Variants in TBL1X observed in about 807,000 individuals in gnomAD.
TBL1X encodes the protein F-box-like/WD repeat-containing protein TBL1X.
In TBL1X, 10 loss-of-function variants were observed where a neutral mutation model predicts 50.7. That is an observed-to-expected ratio of 0.20 (90% CI 0.12 to 0.33). The LOEUF (loss-of-function observed/expected upper bound fraction) is 0.33, where lower values mean the gene tolerates loss of function less well. Among genes scored for constraint, TBL1X ranks in the 10% least tolerant of loss-of-function variants. The probability of loss-of-function intolerance (pLI) is 1.00; values close to 1 mark genes in which losing one functional copy is unlikely to be tolerated. For synonymous variants in TBL1X, 190 were observed against 214.7 expected (o/e 0.88, Z 1.01); for missense variants, 340 against 504.4 (o/e 0.67, Z 3.12).
At chrX:9,673,651 A>G (rs904297214) in intron 5 of TBL1X, among the ~76,000 whole-genome samples, 2 of 112,525 alleles carry the variant, frequency 1.8e-5, no homozygotes, top group African/African-American at 6.5e-5. Flanking sequence ...ATATCTACCT[A>G]TAGATGCATA....
intron 1 of TBL1X, among the ~76,000 whole-genome samples, chrX:9,480,484 G>C (rs1435692681): frequency 8.9e-6 from 1 of 112,061 alleles, no homozygotes; most frequent in Non-Finnish European, 1.9e-5. Flanking sequence ...GGATTATTTA[G>C]TTTTTCTGTA....
chrX:9,503,209 G>C (rs1328485079), intron 2 of TBL1X, among the ~76,000 whole-genome samples: 2 of 111,662 alleles, frequency 1.8e-5, no homozygotes, highest in African/African-American at 6.5e-5. Context: ...GAGTCACATG[G>C]GAAAGGGAAC....
At chrX:9,467,197 T>C (rs1268441860) in intron 1 of TBL1X, among the ~76,000 whole-genome samples, 1 of 112,272 alleles carries the variant, frequency 8.9e-6, no homozygotes, top group Non-Finnish European at 1.9e-5. Flanking sequence ...TTTTCACCTT[T>C]TAAGGTGACG....
chrX:9,555,320 C>A (rs1341487325), intron 2 of TBL1X, among the ~76,000 whole-genome samples: 1 of 111,484 alleles, frequency 9.0e-6, no homozygotes, highest in Non-Finnish European at 1.9e-5. Context: ...CTCAAGCGAT[C>A]CTCCTGTTTC....
chrX:9,522,844 C>T (rs1480099468), intron 2 of TBL1X, among the ~76,000 whole-genome samples: 4 of 111,704 alleles, frequency 3.6e-5, no homozygotes, highest in African/African-American at 1.3e-4. Flanking sequence ...TCAGGCTCTC[C>T]ATCCCCAGCG....
Position 9,692,242 on chromosome X carries a change from A to G in TBL1X, c.879A>G (p.Ser293=). 8.4e-7 allele frequency: 1 copy of G among 1,186,049 alleles called. No homozygotes were observed. The highest frequency in any genetic ancestry group is 1.1e-6 in the Non-Finnish European group (1 of 885,635). ...TCCCGAGTAACAAAGACGTCACCTC[A>G]CTGGACTGGAATGTAAGCATCTTCC... ...HDVPSNKDVT[S]LDWNTNGTLL... The change falls in exon 9 of 18, where the codon TCA becomes TCG. Residue 293 remains serine, a synonymous_variant. Coordinates refer to ENST00000645353, the MANE Select transcript of TBL1X (RefSeq NM_005647.4).
intron 2 of TBL1X, among the ~76,000 whole-genome samples, chrX:9,631,347 C>T (rs1316913571): frequency 8.9e-6 from 1 of 111,776 alleles, no homozygotes; most frequent in African/African-American, 3.3e-5. Flanking sequence ...TCAGCCTTTT[C>T]GCTGGAGTGG....
chrX:9,664,374 G>T (rs1675034232), intron 5 of TBL1X, among the ~76,000 whole-genome samples: 1 of 112,119 alleles, frequency 8.9e-6, no homozygotes, highest in Non-Finnish European at 1.9e-5. Flanking sequence ...CCTAGGGCTG[G>T]GTGGGGGTAC....
intron 2 of TBL1X, among the ~76,000 whole-genome samples, chrX:9,505,118 G>T (rs1233552573): frequency 8.9e-6 from 1 of 112,111 alleles, no homozygotes; most frequent in Non-Finnish European, 1.9e-5. Flanking sequence ...CTTCTCAGCA[G>T]AAACTCTACA....
chrX:9,703,436 A>G (rs2083187594), intron 12 of TBL1X, among the ~76,000 whole-genome samples: 1 of 111,737 alleles, frequency 8.9e-6, no homozygotes, highest in Non-Finnish European at 1.9e-5. Flanking sequence ...AGGGAACATG[A>G]TCTGCTGGTG....
At chrX:9,661,534 GAA>G (rs1393410573) in intron 5 of TBL1X, among the ~76,000 whole-genome samples, 1 of 111,243 alleles carries the variant, frequency 9.0e-6, no homozygotes, top group Non-Finnish European at 1.9e-5. Flanking sequence ...GAAAAAAAAA[GAA>G]AGAGTCTTGC....
chrX:9,674,718 G>A (rs1242479836), intron 5 of TBL1X, among the ~76,000 whole-genome samples: 2 of 71,224 alleles, frequency 2.8e-5, no homozygotes, highest in African/African-American at 1.2e-4. Context: ...AGCTGTGAGT[G>A]CAGGCACGGG....
intron 2 of TBL1X, among the ~76,000 whole-genome samples, chrX:9,563,852 G>A (rs891552096): frequency 8.9e-6 from 1 of 112,416 alleles, no homozygotes; most frequent in Non-Finnish European, 1.9e-5. Flanking sequence ...CAAGGGACTA[G>A]GGGGCAATGC....
intron 2 of TBL1X, among the ~76,000 whole-genome samples, chrX:9,592,418 T>C (rs1441040719): frequency 8.9e-6 from 1 of 112,236 alleles, no homozygotes; most frequent in Admixed American, 9.4e-5. Context: ...GTCAAAGAGA[T>C]GACCACGTTA....
intron 3 of TBL1X, among the ~76,000 whole-genome samples, chrX:9,649,154 G>A (rs1057336609): frequency 7.1e-5 from 8 of 112,006 alleles, no homozygotes; most frequent in African/African-American, 2.6e-4. Context: ...AGGGTTAGGA[G>A]TCCATTCAGA....
At chrX:9,643,030 C>T (rs11799043) in intron 3 of TBL1X, among the ~76,000 whole-genome samples, 32,325 of 111,601 alleles carry the variant, frequency 0.29, 3,619 homozygotes, top group Non-Finnish European at 0.35. Context: ...GATTACGTAG[C>T]GAAGGCACTG....
chrX:9,492,886 T>TGG (rs2081953582), intron 1 of TBL1X, among the ~76,000 whole-genome samples: 3 of 30,454 alleles, frequency 9.9e-5, no homozygotes, highest in East Asian at 2.6e-3. Context: ...TGTGTGTGTG[T>TGG]GTGTGTGTGT....
At chrX:9,606,572 C>T (rs1009058562) in intron 2 of TBL1X, among the ~76,000 whole-genome samples, 3 of 110,704 alleles carry the variant, frequency 2.7e-5, no homozygotes, top group Non-Finnish European at 5.7e-5. Flanking sequence ...TGCTGGAACT[C>T]GGGAGGCTGA....
chrX:9,532,139 G>A (rs1480109748), intron 2 of TBL1X, among the ~76,000 whole-genome samples: 1 of 111,565 alleles, frequency 9.0e-6, no homozygotes, highest in Non-Finnish European at 1.9e-5. Flanking sequence ...CCTGAGCTGC[G>A]CACATGCTTC....
Sources: gnomAD v4.1 joint callset for allele counts (sites outside exome capture counted in the v4.1 genomes callset) on GRCh38, gnomAD v4.1.1 for gene constraint, MANE v1.5 for transcripts, NCBI Gene and HGNC (gene_info 2026-07-23, HGNC 2026-07-21) for gene names.